DYNC1I1: variants seen among roughly 807,000 people sequenced by gnomAD.
The protein encoded by DYNC1I1 is dynein cytoplasmic 1 intermediate chain 1.
In DYNC1I1, 43 loss-of-function variants were observed where a neutral mutation model predicts 86.6. The ratio of observed to expected loss-of-function variants is 0.50; its 90% confidence interval spans 0.39 to 0.64. The LOEUF (loss-of-function observed/expected upper bound fraction) is 0.64. Among genes scored for constraint, DYNC1I1 ranks in the 30% least tolerant of loss-of-function variants. The pLI, the probability that DYNC1I1 is intolerant of heterozygous loss-of-function variation, is 0.00. For missense variants in DYNC1I1, 604 were observed against 788.8 expected, an observed-to-expected ratio of 0.77 and a Z score of 2.81; for synonymous variants, 262 against 283.7, an observed-to-expected ratio of 0.92 and a Z score of 0.77.
intron 6 of DYNC1I1, among the ~76,000 whole-genome samples, chr7:95,949,715 CT>C (rs1792500918): frequency 6.6e-6 from 1 of 152,148 alleles, no homozygotes; most frequent in African/African-American, 2.4e-5. Flanking sequence ...TGTTTTTGTT[CT>C]GTACTACTGC....
At chr7:95,926,550 T>C (rs1387277862) in intron 6 of DYNC1I1, among the ~76,000 whole-genome samples, 1 of 152,182 alleles carries the variant, frequency 6.6e-6, no homozygotes, top group East Asian at 1.9e-4. Flanking sequence ...TGTTTTTTAT[T>C]TTTAGATGTA....
intron 12 of DYNC1I1, among the ~76,000 whole-genome samples, chr7:96,034,875 G>A (rs954665296): frequency 1.3e-5 from 2 of 152,108 alleles, no homozygotes; most frequent in Admixed American, 1.3e-4. Context: ...TATTTCAGAT[G>A]CACAAAATAG....
At chr7:95,912,607 G>A (rs1046685556) in intron 6 of DYNC1I1, among the ~76,000 whole-genome samples, 21 of 152,142 alleles carry the variant, frequency 1.4e-4, no homozygotes, top group Admixed American at 9.8e-4. Context: ...GCCCATTGAG[G>A]CACCTCTCTA....
chr7:96,043,062 G>A (rs559943466), intron 14 of DYNC1I1, among the ~76,000 whole-genome samples: 1 of 151,618 alleles, frequency 6.6e-6, no homozygotes, highest in Non-Finnish European at 1.5e-5. Flanking sequence ...AGGGAGGCTC[G>A]GGAGGCTGAG....
intron 6 of DYNC1I1, among the ~76,000 whole-genome samples, chr7:95,970,468 T>C (rs1470100496): frequency 6.6e-6 from 1 of 152,106 alleles, no homozygotes; most frequent in Non-Finnish European, 1.5e-5. Flanking sequence ...TATATCCGAA[T>C]CTGCACAAAG....
intron 14 of DYNC1I1, among the ~76,000 whole-genome samples, chr7:96,067,295 C>T (rs1310738151): frequency 6.6e-6 from 1 of 152,030 alleles, no homozygotes; most frequent in African/African-American, 2.4e-5. Context: ...GCCTTTCTAA[C>T]AAACACAATG....
At chr7:95,858,895 TTATATTTATTATTTTAATAA>T (rs1268404120) in intron 5 of DYNC1I1, among the ~76,000 whole-genome samples, 3 of 147,352 alleles carry the variant, frequency 2.0e-5, no homozygotes, top group African/African-American at 4.9e-5. Flanking sequence ...TACATTGTTT[TTATATTTATTATTTTAATAA>T]TATATTTATT....
chr7:95,851,234 C>CA (rs1789570137), intron 5 of DYNC1I1, among the ~76,000 whole-genome samples: 1 of 151,996 alleles, frequency 6.6e-6, no homozygotes, highest in African/African-American at 2.4e-5. Flanking sequence ...CATGCCTGGC[C>CA]AATATCACAA....
chr7:96,063,393 G>A (rs1350096375), intron 14 of DYNC1I1, among the ~76,000 whole-genome samples: 4 of 152,084 alleles, frequency 2.6e-5, no homozygotes, highest in Non-Finnish European at 5.9e-5. Flanking sequence ...CTTCTCATTT[G>A]AGAATTATGT....
intron 14 of DYNC1I1, among the ~76,000 whole-genome samples, chr7:96,068,061 G>T (rs1439045608): frequency 4.6e-5 from 7 of 152,120 alleles, no homozygotes; most frequent in Admixed American, 2.6e-4. Context: ...ACCAATGTGG[G>T]TCCATCTTGA....
rs990813477 is a variant in DYNC1I1, at chr7:95,828,144, T to C, written c.374+28T>C. The C allele has an allele frequency of 1.9e-6, 3 of 1,612,746 alleles. No homozygotes were observed. In the African/African-American group the frequency reaches 4.0e-5, roughly 22 times the overall value. On this transcript the variant is annotated intron_variant, in intron 5 of 16. Coordinates refer to ENST00000447467, the MANE Select transcript of DYNC1I1 (RefSeq NM_001135556.2). ...ATATGTCTGCTCTTTTGTTACTCCTTTTATTATTTCTTTGCTACAGTTGTG... is the reference window on the plus strand; with the variant it reads ...ATATGTCTGCTCTTTTGTTACTCCTCTTATTATTTCTTTGCTACAGTTGTG...
At chr7:95,934,325 T>C (rs1341728795) in intron 6 of DYNC1I1, among the ~76,000 whole-genome samples, 1 of 152,122 alleles carries the variant, frequency 6.6e-6, no homozygotes, top group East Asian at 1.9e-4. Flanking sequence ...AAACAAAAGC[T>C]TTGGTTCCCA....
intron 6 of DYNC1I1, among the ~76,000 whole-genome samples, chr7:95,879,836 G>A (rs889104834): frequency 1.2e-4 from 19 of 152,240 alleles, no homozygotes; most frequent in African/African-American, 4.6e-4. Flanking sequence ...CCTCCTAATA[G>A]AGAGAGAATT....
intron 10 of DYNC1I1, among the ~76,000 whole-genome samples, chr7:95,999,277 G>A (rs982136367): frequency 2.2e-4 from 34 of 152,168 alleles, no homozygotes; most frequent in African/African-American, 7.7e-4. Flanking sequence ...AGAATTATCT[G>A]CGTTGAGGTA....
intron 5 of DYNC1I1, among the ~76,000 whole-genome samples, chr7:95,852,381 A>G (rs1198793837): frequency 1.3e-5 from 2 of 151,688 alleles, no homozygotes; most frequent in Non-Finnish European, 2.9e-5. Flanking sequence ...GATTTTATTT[A>G]AGTCTTCTCT....
Position 96,035,644 on chromosome 7 carries a change from A to G in DYNC1I1, c.1256A>G (p.Lys419Arg). The G allele has an allele frequency of 6.2e-7, 1 of 1,603,110 alleles. No homozygotes were observed. The highest frequency in any genetic ancestry group is 8.5e-7 in the Non-Finnish European group (1 of 1,176,202). The change falls in exon 13 of 17, where the codon AAG becomes AGG. Residue 419 changes from lysine (K) to arginine (R), a missense_variant. Lys to Arg is a conservative substitution (Grantham distance 26, BLOSUM62 2). Transcript: ENST00000447467. The part of the protein sequence containing the change: ...PQESMELVYN[K>R]SKPVAVTGMA... ...GAGAGCATGGAGCTGGTGTACAATAAGTCCAAGCCTGTCGCTGTTACCGGA... is the reference window on the plus strand; with the variant it reads ...GAGAGCATGGAGCTGGTGTACAATAGGTCCAAGCCTGTCGCTGTTACCGGA...
intron 1 of DYNC1I1, among the ~76,000 whole-genome samples, chr7:95,799,582 GA>G (rs1794528625): frequency 6.6e-6 from 1 of 151,864 alleles, no homozygotes; most frequent in African/African-American, 2.4e-5. Context: ...AGAAAAAATT[GA>G]GAAGTTTTCT....
intron 6 of DYNC1I1, among the ~76,000 whole-genome samples, chr7:95,928,806 T>C (rs1791812875): frequency 6.6e-6 from 1 of 152,146 alleles, no homozygotes; most frequent in Non-Finnish European, 1.5e-5. Context: ...GAGATAATAA[T>C]AGTCTCCAGC....
chr7:96,033,696 A>G (rs1056434920), intron 12 of DYNC1I1, among the ~76,000 whole-genome samples: 3 of 152,176 alleles, frequency 2.0e-5, no homozygotes, highest in Non-Finnish European at 4.4e-5. Flanking sequence ...ACAATTTTAG[A>G]AGAAGTTAAA....
Sources: allele counts gnomAD v4.1 joint callset (sites outside exome capture counted in the v4.1 genomes callset), GRCh38; gene constraint gnomAD v4.1.1; transcripts MANE v1.5; gene names NCBI Gene and HGNC (gene_info 2026-07-23, HGNC 2026-07-21).